ADAMTS19: variants seen among roughly 807,000 people sequenced by gnomAD.
The protein encoded by ADAMTS19 is A disintegrin and metalloproteinase with thrombospondin motifs 19.
ADAMTS19 carries 93 observed loss-of-function variants against 153.3 expected under a neutral mutation model. That is an observed-to-expected ratio of 0.61 (90% CI 0.51 to 0.72). The LOEUF is 0.72. Among genes scored for constraint, ADAMTS19 ranks in the 30% least tolerant of loss-of-function variants. The pLI is 0.00. For synonymous variants in ADAMTS19, 600 were observed against 556.6 expected, an observed-to-expected ratio of 1.08 and a Z score of -1.10; for missense variants, 1,482 against 1,552.1, an observed-to-expected ratio of 0.95 and a Z score of 0.76.
At chr5:129,558,729 G>A (rs925851378) in intron 7 of ADAMTS19, among the ~76,000 whole-genome samples, 2 of 152,020 alleles carry the variant, frequency 1.3e-5, no homozygotes, top group Non-Finnish European at 2.9e-5. Context: ...GGAAACCTGC[G>A]CTATCAGATA....
chr5:129,622,910 A>T (rs1469243730), intron 10 of ADAMTS19, among the ~76,000 whole-genome samples: 4 of 151,988 alleles, frequency 2.6e-5, no homozygotes, highest in African/African-American at 7.2e-5. Flanking sequence ...TCTTTTTTTT[A>T]AATTTGTTTT....
chr5:129,468,983 GC>G (rs954496908), intron 2 of ADAMTS19, among the ~76,000 whole-genome samples: 77 of 151,984 alleles, frequency 5.1e-4, no homozygotes, highest in African/African-American at 1.7e-3. Flanking sequence ...TGCCATGTTG[GC>G]CAGGCTGGTC....
chr5:129,504,419 G>T (rs997205710), intron 2 of ADAMTS19, among the ~76,000 whole-genome samples: 10 of 152,032 alleles, frequency 6.6e-5, no homozygotes, highest in African/African-American at 2.4e-4. Flanking sequence ...CATATTTTTG[G>T]TGTGCAAAAT....
chr5:129,624,950 A>G (rs563960608), intron 10 of ADAMTS19, among the ~76,000 whole-genome samples: 5 of 152,056 alleles, frequency 3.3e-5, no homozygotes, highest in African/African-American at 1.2e-4. Flanking sequence ...CTCATCATTT[A>G]CATTAGGTAT....
intron 21 of ADAMTS19, among the ~76,000 whole-genome samples, chr5:129,723,826 T>C (rs1757099853): frequency 6.6e-6 from 1 of 152,232 alleles, no homozygotes; most frequent in African/African-American, 2.4e-5. Flanking sequence ...CTTAGTTTTA[T>C]ACATTTTTGG....
At chr5:129,642,494 G>A (rs1280370060) in intron 11 of ADAMTS19, among the ~76,000 whole-genome samples, 1 of 152,120 alleles carries the variant, frequency 6.6e-6, no homozygotes, top group Non-Finnish European at 1.5e-5. Context: ...TACATTTCCA[G>A]ATCTAAATAA....
At chr5:129,678,352 A>G (rs1210714985) in intron 16 of ADAMTS19, among the ~76,000 whole-genome samples, 1 of 152,064 alleles carries the variant, frequency 6.6e-6, no homozygotes, top group Non-Finnish European at 1.5e-5. Context: ...AACATCCCTC[A>G]GAGGAGCCTC....
intron 7 of ADAMTS19, among the ~76,000 whole-genome samples, chr5:129,594,394 A>G (rs1429537767): frequency 6.6e-6 from 1 of 152,168 alleles, no homozygotes; most frequent in African/African-American, 2.4e-5. Context: ...TGGTGAAAAA[A>G]AGTGGCAAAA....
intron 16 of ADAMTS19, among the ~76,000 whole-genome samples, chr5:129,668,657 G>T (rs1442591789): frequency 1.3e-5 from 2 of 151,062 alleles, no homozygotes; most frequent in South Asian, 2.1e-4. Context: ...TATAAATTAT[G>T]GGGGGGGACA....
Position 129,461,123 on chromosome 5 carries a change from G to C in ADAMTS19, c.113G>C (p.Arg38Pro). Reference protein sequence around the residue: ...IVSELQFAPDREEWEVVFPAL... With the variant: ...IVSELQFAPDPEEWEVVFPAL... Reference sequence around the variant, plus strand: ...GCAGAGCTGCAGTTCGCCCCCGACCGCGAGGAGTGGGAAGTCGTGTTTCCT... The same window carrying C: ...GCAGAGCTGCAGTTCGCCCCCGACCCCGAGGAGTGGGAAGTCGTGTTTCCT... The change falls in exon 2 of 23, where the codon CGC becomes CCC. Residue 38 changes from arginine (R) to proline (P), a missense_variant. Arg to Pro is a moderately radical substitution (Grantham distance 103). Coordinates refer to ENST00000274487, the MANE Select transcript of ADAMTS19 (RefSeq NM_133638.6). The surrounding 1 kb of genome is among the most constrained non-coding windows in gnomAD (Gnocchi z 4.6). The C allele has an allele frequency of 7.0e-7, 1 of 1,420,054 alleles. No individual in the cohort carries two copies. Among genetic ancestry groups the C allele is most frequent in the Non-Finnish European group, 9.2e-7 (1 of 1,085,148 alleles). 88.0% of individuals were successfully genotyped at this position (1,420,054 alleles called of 1,614,324 possible). A position where few individuals can be genotyped will look rare whatever the true frequency, so the allele number is the denominator to read the frequency against.
chr5:129,528,600 G>T lies in ADAMTS19; in HGVS notation c.1251G>T (p.Lys417Asn). The T allele has an allele frequency of 6.2e-7, 1 of 1,608,434 alleles. No homozygotes were observed. Among genetic ancestry groups the T allele is most frequent in the Non-Finnish European group, 8.5e-7 (1 of 1,177,580 alleles). The part of the protein sequence containing the change: ...CKWQHEEFGK[K>N]NDIHLEMSTN... ...GGCAACATGAAGAATTTGGCAAAAA[G>T]AATGATATACATTTAGAGATGTCAA... Residue 417 changes from lysine to asparagine, a missense_variant, in exon 6 of 23, where the codon AAG becomes AAT. Physicochemically the swap from Lys to Asn is moderately conservative, Grantham distance 94 (BLOSUM62 0). Transcript: ENST00000274487.
intron 6 of ADAMTS19, among the ~76,000 whole-genome samples, chr5:129,550,894 A>G (rs1351690027): frequency 6.6e-6 from 1 of 151,732 alleles, no homozygotes; most frequent in Non-Finnish European, 1.5e-5. Flanking sequence ...ATGTTATGAT[A>G]CACTAATAGC....
intron 16 of ADAMTS19, among the ~76,000 whole-genome samples, chr5:129,673,057 AT>A (rs568262179): frequency 3.5e-4 from 53 of 151,884 alleles, no homozygotes; most frequent in Middle Eastern, 3.4e-3. Flanking sequence ...TATTTCTAAT[AT>A]TTTTAGTTTG....
chr5:129,654,438 G>C lies in ADAMTS19; in HGVS notation c.2304+5G>C. 1 of 1,594,524 alleles carries C rather than the reference G, an allele frequency of 6.3e-7. No individual in the cohort carries two copies. Among genetic ancestry groups the C allele is most frequent in the East Asian group, 2.2e-5 (1 of 44,708 alleles). On this transcript the variant is annotated splice_donor_5th_base_variant and intron_variant, in intron 14 of 22. Coordinates refer to ENST00000274487, the MANE Select transcript of ADAMTS19 (RefSeq NM_133638.6). ...TGTGCAAATGGCAGGTGCCAGGTAAGACATTCCAAAAAAAAAAAGAATTTA... is the reference window on the plus strand; with the variant it reads ...TGTGCAAATGGCAGGTGCCAGGTAACACATTCCAAAAAAAAAAAGAATTTA...
At chr5:129,691,017 T>C (rs1755309433) in intron 18 of ADAMTS19, among the ~76,000 whole-genome samples, 1 of 152,150 alleles carries the variant, frequency 6.6e-6, no homozygotes, top group Non-Finnish European at 1.5e-5. Context: ...CAAGTTCTAG[T>C]AATGTGAGGT....
intron 8 of ADAMTS19, among the ~76,000 whole-genome samples, chr5:129,610,171 T>C (rs1013470404): frequency 6.6e-6 from 1 of 152,024 alleles, no homozygotes; most frequent in African/African-American, 2.4e-5. Flanking sequence ...ACACCATATA[T>C]GTGAAGGGTG....
At chr5:129,471,610 C>A (rs1750072255) in intron 2 of ADAMTS19, among the ~76,000 whole-genome samples, 2 of 152,000 alleles carry the variant, frequency 1.3e-5, no homozygotes, top group Admixed American at 6.6e-5. Context: ...AGTAGGTGAA[C>A]TTGTGTGATG....
At chr5:129,538,524 T>C (rs1391536065) in intron 6 of ADAMTS19, among the ~76,000 whole-genome samples, 1 of 152,102 alleles carries the variant, frequency 6.6e-6, no homozygotes, top group Non-Finnish European at 1.5e-5. Flanking sequence ...CACTCTTCAT[T>C]ATTGCCTCCC....
At position 129,735,049 on chromosome 5, in the gene ADAMTS19, T is replaced by A; in HGVS notation, c.3430T>A (p.Cys1144Ser). The change falls in exon 22 of 23, where the codon TGC (cysteine) becomes AGC (serine). Residue 1144 changes from cysteine to serine, a missense_variant. Cys to Ser is a moderately radical substitution (Grantham distance 112, BLOSUM62 -1). This residue lies in a region of ADAMTS19 where 616 missense variants were observed against 724.4 expected (regional missense o/e 0.85). Transcript: ENST00000274487. ...SSEKPAAYRP[C>S]HLQPCNEKIN... ...AGAAAAACCTGCAGCATACAGGCCATGCCATCTTCAACCCTGCAATGAGAA... is the reference window on the plus strand; with the variant it reads ...AGAAAAACCTGCAGCATACAGGCCAAGCCATCTTCAACCCTGCAATGAGAA... 1 of 1,611,652 alleles carries A rather than the reference T, an allele frequency of 6.2e-7. No homozygotes were observed. Among genetic ancestry groups the A allele is most frequent in the Non-Finnish European group, 8.5e-7 (1 of 1,178,758 alleles).
Sources: allele counts gnomAD v4.1 joint callset (sites outside exome capture counted in the v4.1 genomes callset), GRCh38; gene constraint gnomAD v4.1.1; regional missense constraint gnomAD v4.1.1; non-coding constraint Gnocchi (gnomAD v3.1); transcripts MANE v1.5; gene names NCBI Gene and HGNC (gene_info 2026-07-23, HGNC 2026-07-21).